The following TDP1 variants were observed in gnomAD, a reference collection of about 807,000 sequenced individuals.
TDP1 encodes the protein tyr-DNA phosphodiesterase 1.
In TDP1, 64 loss-of-function variants were observed where a neutral mutation model predicts 81.5. The observed-to-expected ratio is 0.79, with a 90% CI of 0.64 to 0.97. The LOEUF (loss-of-function observed/expected upper bound fraction) is 0.97. Among genes scored for constraint, TDP1 ranks in the 50% least tolerant of loss-of-function variants. The pLI is 0.00. For synonymous variants in TDP1, 256 were observed against 264.3 expected, an observed-to-expected ratio of 0.97 and a Z score of 0.30; for missense variants, 723 against 743.8, an observed-to-expected ratio of 0.97 and a Z score of 0.33.
intron 15 of TDP1, among the ~76,000 whole-genome samples, chr14:90,022,160 C>G (rs755176910): frequency 2.6e-5 from 4 of 152,214 alleles, no homozygotes; most frequent in African/African-American, 9.6e-5. Context: ...AGCAATGAGA[C>G]AGAGACATCC....
intron 14 of TDP1, among the ~76,000 whole-genome samples, chr14:90,004,852 G>A (rs1897518286): frequency 1.3e-5 from 2 of 152,196 alleles, no homozygotes; most frequent in Admixed American, 1.3e-4. Flanking sequence ...AGTTAAACAT[G>A]CTGTTAGGCT....
chr14:89,987,527 A>G (rs1291409240), intron 10 of TDP1, among the ~76,000 whole-genome samples: 1 of 152,232 alleles, frequency 6.6e-6, no homozygotes, highest in Non-Finnish European at 1.5e-5. Flanking sequence ...AATGGCACGC[A>G]GAGGAGGAAG....
At chr14:90,029,599 A>G (rs1566925840) in intron 15 of TDP1, among the ~76,000 whole-genome samples, 1 of 147,006 alleles carries the variant, frequency 6.8e-6, no homozygotes, top group Non-Finnish European at 1.5e-5. Flanking sequence ...CCTGGATTCC[A>G]GCGATTCTCC....
chr14:89,975,400 C>T lies in TDP1; in HGVS notation c.757-381C>T, dbSNP rs1894165705. 6.1e-6 allele frequency: 6 copies of T among 985,182 alleles called. No homozygotes were observed. The South Asian group carries it at 2.8e-4, about 46-fold the overall frequency. 61.0% of individuals were successfully genotyped at this position (985,182 alleles called of 1,614,324 possible). On this transcript the variant is annotated intron_variant, in intron 6 of 16. Transcript: ENST00000335725. ...CTTCAGTGTTTCTTTTAAATATGCT[C>T]TGAAAACTGTGTACCATTAATTTCT...
rs375601290 is a variant in TDP1 at position 89,984,501 on chromosome 14, T to G, written c.885-15T>G. The G allele has an allele frequency of 2.5e-6, 4 of 1,613,678 alleles. No individual in the cohort carries two copies. In the Admixed American group the frequency reaches 6.7e-5, roughly 27 times the overall value. On this transcript the variant is annotated splice_polypyrimidine_tract_variant and intron_variant, in intron 8 of 16. Coordinates refer to ENST00000335725, the MANE Select transcript of TDP1 (RefSeq NM_018319.4). ...TTGTGTGCCTGACTGTTAAAGGTTATTTTTTTAATTCCAGAATATGGTTGA... is the reference window on the plus strand; with the variant it reads ...TTGTGTGCCTGACTGTTAAAGGTTAGTTTTTTAATTCCAGAATATGGTTGA...
At chr14:89,977,674 T>C (rs1445244233) in intron 7 of TDP1, among the ~76,000 whole-genome samples, 3 of 152,262 alleles carry the variant, frequency 2.0e-5, no homozygotes, top group African/African-American at 7.2e-5. Flanking sequence ...GTTTTTATTC[T>C]TACAGCTTTT....
chr14:89,965,530 G>A (rs1319799296), intron 3 of TDP1, among the ~76,000 whole-genome samples: 1 of 152,176 alleles, frequency 6.6e-6, no homozygotes, highest in Non-Finnish European at 1.5e-5. Flanking sequence ...GGAAGGTCAC[G>A]ATGATGGTGT....
intron 6 of TDP1, among the ~76,000 whole-genome samples, chr14:89,972,330 A>T (rs934840900): frequency 2.6e-5 from 4 of 152,140 alleles, no homozygotes; most frequent in African/African-American, 9.7e-5. Context: ...AAACAACCAG[A>T]TATCATGAGA....
chr14:90,010,373 T>C (rs557475265), intron 14 of TDP1, among the ~76,000 whole-genome samples: 92 of 152,340 alleles, frequency 6.0e-4, no homozygotes, highest in Non-Finnish European at 1.1e-3. Context: ...AAAAGCACTG[T>C]GTGGTGGGCA....
chr14:90,015,589 G>C (rs1412224729), intron 14 of TDP1, among the ~76,000 whole-genome samples: 1 of 152,218 alleles, frequency 6.6e-6, no homozygotes, highest in African/African-American at 2.4e-5. Flanking sequence ...TAGTTCTAGA[G>C]AATGGAAGTT....
rs7143875 is a variant in TDP1 at position 89,962,826 on chromosome 14, T to C, written c.-7-282T>C. On this transcript the variant is annotated intron_variant, in intron 2 of 16. Transcript: ENST00000335725. ...GGCAGATGTTGCAGTCAGCTGAGAT[T>C]GAACCACTGCACCACTCCAGCTGGG... The C allele has an allele frequency of 0.077, 56,732 of 740,712 alleles. 7,591 individuals are homozygous for C. The highest frequency in any genetic ancestry group is 0.5 in the African/African-American group (26,430 of 52,706). The allele number at this position is 740,712 out of a possible 1,614,324, so 45.9% of individuals were successfully genotyped here.
chr14:89,993,481 A>G lies in TDP1; in HGVS notation c.1539A>G (p.Thr513=). 1 of 1,612,836 alleles carries G rather than the reference A, an allele frequency of 6.2e-7. No homozygotes were observed. Among genetic ancestry groups the G allele is most frequent in the Non-Finnish European group, 8.5e-7 (1 of 1,179,008 alleles). ...DFSKIAWFLV[T]SANLSKAAWG... ...GTAAAATTGCTTGGTTCCTTGTCAC[A>G]AGGTAAATAGTCCTTACATTCCTGA... The change falls in exon 14 of 17, where the codon ACA becomes ACG. Residue 513 remains threonine, a splice_region_variant and synonymous_variant. Coordinates refer to ENST00000335725, the MANE Select transcript of TDP1 (RefSeq NM_018319.4).
intron 14 of TDP1, among the ~76,000 whole-genome samples, chr14:89,997,671 A>G (rs191533967): frequency 6.6e-6 from 1 of 152,326 alleles, no homozygotes; most frequent in Admixed American, 6.5e-5. Flanking sequence ...CAAGAAATAC[A>G]TATCAGGTGG....
intron 14 of TDP1, among the ~76,000 whole-genome samples, chr14:90,001,672 C>T (rs1439026348): frequency 6.6e-6 from 1 of 152,132 alleles, no homozygotes; most frequent in Non-Finnish European, 1.5e-5. Flanking sequence ...CAGACTGCTT[C>T]TCAGGTTTTA....
chr14:90,016,412 C>T (rs1029904337), intron 14 of TDP1, among the ~76,000 whole-genome samples: 1 of 152,120 alleles, frequency 6.6e-6, no homozygotes, highest in Non-Finnish European at 1.5e-5. Flanking sequence ...TCACACCCTC[C>T]CAAGTCCTCC....
At position 90,023,139 on chromosome 14, in the gene TDP1, G is replaced by T; in HGVS notation, c.1644+3721G>T. ...GATTACAATATATGACAACAACTAG[G>T]GTGTGGGGCATTCAAAATACAGGGG... is the stretch of plus-strand genomic sequence containing the variant. On this transcript the variant is annotated intron_variant, in intron 15 of 16. Coordinates refer to ENST00000335725, the MANE Select transcript of TDP1 (RefSeq NM_018319.4). 5.5e-6 allele frequency: 4 copies of T among 731,912 alleles called. No individual in the cohort carries two copies. In the South Asian group the frequency reaches 5.7e-5, roughly 10 times the overall value. The allele number at this position is 731,912 out of a possible 1,614,324, so 45.3% of individuals were successfully genotyped here.
intron 14 of TDP1, among the ~76,000 whole-genome samples, chr14:90,011,076 A>G (rs529229240): frequency 3.9e-5 from 6 of 152,132 alleles, no homozygotes; most frequent in Admixed American, 1.3e-4. Context: ...ATGAGATCTG[A>G]TGGTTTTTAT....
chr14:89,973,516 T>C (rs536536362), intron 6 of TDP1, among the ~76,000 whole-genome samples: 40 of 152,276 alleles, frequency 2.6e-4, no homozygotes, highest in African/African-American at 9.4e-4. Context: ...GTCCTCCTGA[T>C]CTCTTGAAGC....
At position 90,003,826 on chromosome 14, in the gene TDP1, A is replaced by G. The variant is rs571368932; in HGVS notation, c.1541+10343A>G. Among the ~76,000 whole-genome samples the G allele has an allele frequency of 3.9e-5, 6 of 152,298 alleles. No homozygotes were observed. In the South Asian group the frequency reaches 1.2e-3, roughly 32 times the overall value. The stretch of plus-strand genomic sequence containing the variant: ...ATCACTGGCTTTTTGAGGAAACATA[A>G]AAGACATTCTCTCTCCTCTGCTTTT... On this transcript the variant is annotated intron_variant, in intron 14 of 16. Transcript: ENST00000335725.
Sources: gnomAD v4.1 joint callset for allele counts (sites outside exome capture counted in the v4.1 genomes callset) on GRCh38, gnomAD v4.1.1 for gene constraint, MANE v1.5 for transcripts, NCBI Gene and HGNC (gene_info 2026-07-23, HGNC 2026-07-21) for gene names.